The following FOXP1 variants were observed in gnomAD, a reference collection of about 807,000 sequenced individuals.
FOXP1 encodes forkhead box P1.
A neutral mutation model predicts 98.2 loss-of-function variants in FOXP1; 15 were observed. The ratio of observed to expected loss-of-function variants is 0.15; its 90% CI spans 0.10 to 0.24. FOXP1 has a LOEUF of 0.24. Among genes scored for constraint, FOXP1 ranks in the 10% least tolerant of loss-of-function variants. The probability of loss-of-function intolerance (pLI) is 1.00; values close to 1 mark genes in which losing one functional copy is unlikely to be tolerated. For missense variants in FOXP1, 633 were observed against 848.5 expected, an observed-to-expected ratio of 0.75 and a Z score of 3.15; for synonymous variants, 371 against 314.5, an observed-to-expected ratio of 1.18 and a Z score of -1.90.
chr3:71,198,572 C>T (rs2063457564), intron 5 of FOXP1, among the ~76,000 whole-genome samples, 180 bp from the exon 6 acceptor site: 1 of 152,310 alleles, frequency 6.6e-6, no homozygotes, highest in East Asian at 1.9e-4. Flanking sequence ...CCCCTAGTTT[C>T]GGGTCTGAAA....
At chr3:71,057,337 T>C (rs1466359904) in intron 7 of FOXP1, among the ~76,000 whole-genome samples, 1 of 138,612 alleles carries the variant, frequency 7.2e-6, no homozygotes, top group African/African-American at 2.7e-5. Flanking sequence ...TCAGATTTCA[T>C]GCCTTCTACC....
At chr3:71,013,644 A>T (rs1168019157) in intron 12 of FOXP1, among the ~76,000 whole-genome samples, 25 of 152,334 alleles carry the variant, frequency 1.6e-4, no homozygotes, top group Non-Finnish European at 1.5e-5. Context: ...AATTGGAAAG[A>T]ACTACTTTAA....
chr3:71,236,786 C>T (rs1003127918), intron 5 of FOXP1, among the ~76,000 whole-genome samples: 10 of 151,130 alleles, frequency 6.6e-5, no homozygotes, highest in African/African-American at 2.2e-4. Flanking sequence ...GGTGGGAGGA[C>T]AGTTTGAGCC....
chr3:71,023,397 A>G (rs1447778363), intron 11 of FOXP1, among the ~76,000 whole-genome samples: 1 of 152,194 alleles, frequency 6.6e-6, no homozygotes, highest in East Asian at 1.9e-4. Context: ...ATTACATTAA[A>G]TCAGACACCT....
chr3:71,090,123 G>A (rs1316854348), intron 7 of FOXP1, among the ~76,000 whole-genome samples: 1 of 152,148 alleles, frequency 6.6e-6, no homozygotes. Context: ...ACAGTATCTA[G>A]CCTGCGGGCC....
intron 4 of FOXP1, chr3:71,332,259 C>A: frequency 6.4e-6 from 1 of 156,448 alleles, no homozygotes; most frequent in Non-Finnish European, 1.4e-5. Flanking sequence ...ACTCCAGACG[C>A]GCCGCCTTAA....
At chr3:71,501,935 C>T (rs2107194763) in intron 2 of FOXP1, among the ~76,000 whole-genome samples, 1 of 152,256 alleles carries the variant, frequency 6.6e-6, no homozygotes, top group Non-Finnish European at 1.5e-5. Context: ...GTGAGATCAG[C>T]AAGGCAGGGT....
chr3:71,015,685 G>A, intron 11 of FOXP1, 32 bp from the exon 12 acceptor site: 1 of 1,472,898 alleles, frequency 6.8e-7, no homozygotes, highest in Non-Finnish European at 9.5e-7. Context: ...ACCAGAGAAT[G>A]AATTTGCTGC....
rs1215777844 is a variant in FOXP1 at position 71,502,769 on chromosome 3, C to A, written c.-297-9214G>T. Reference sequence around the variant, plus strand: ...GTGGGAACATTCTAGAAGAAGCCAGCCATAACAACAGCAGGGGTAGTCCTA... The same window carrying A: ...GTGGGAACATTCTAGAAGAAGCCAGACATAACAACAGCAGGGGTAGTCCTA... On this transcript the variant is annotated intron_variant, in intron 2 of 20. Transcript: ENST00000649528. 3.9e-5 allele frequency among the ~76,000 whole-genome samples: 6 copies of A among 152,216 alleles called. 1 individual carries two copies. Among genetic ancestry groups the A allele is most frequent in the African/African-American group, 1.4e-4 (6 of 41,522 alleles).
At chr3:71,283,101 G>C (rs2071735434) in intron 5 of FOXP1, among the ~76,000 whole-genome samples, 1 of 152,328 alleles carries the variant, frequency 6.6e-6, no homozygotes, top group South Asian at 2.1e-4. Context: ...CCTTCCACTG[G>C]TGCTGAGTGC....
At chr3:71,351,128 T>A (rs963464140) in intron 4 of FOXP1, among the ~76,000 whole-genome samples, 1 of 152,150 alleles carries the variant, frequency 6.6e-6, no homozygotes, top group Non-Finnish European at 1.5e-5. Context: ...TGAAAGGTTA[T>A]CCTGCCACAA....
intron 3 of FOXP1, among the ~76,000 whole-genome samples, chr3:71,377,734 C>G (rs1426288272): frequency 6.6e-6 from 1 of 152,150 alleles, no homozygotes; most frequent in African/African-American, 2.4e-5. Context: ...GAAAAAACAA[C>G]TTTGTTTTAA....
intron 5 of FOXP1, among the ~76,000 whole-genome samples, chr3:71,221,876 C>T (rs1358382961): frequency 6.6e-6 from 1 of 152,130 alleles, no homozygotes; most frequent in African/African-American, 2.4e-5. Context: ...GTCCTTCGTC[C>T]GGGTGCAGTG....
rs963299020 is a variant in FOXP1, at chr3:71,080,880, G to A, written c.283-27107C>T. 1.3e-5 allele frequency among the ~76,000 whole-genome samples: 2 copies of A among 152,222 alleles called. 1 individual carries two copies. The highest frequency in any genetic ancestry group is 4.1e-4 in the South Asian group (2 of 4,830). The stretch of plus-strand genomic sequence containing the variant: ...GAATTTCCTTCTTCTGGCTTAGCAA[G>A]CAGTAGTAGTTATGATTTGACTCAA... On this transcript the variant is annotated intron_variant, in intron 7 of 20. Coordinates refer to ENST00000649528, the MANE Select transcript of FOXP1 (RefSeq NM_001349338.3).
At chr3:71,045,487 G>C (rs952769282) in intron 10 of FOXP1, among the ~76,000 whole-genome samples, 1 of 152,068 alleles carries the variant, frequency 6.6e-6, no homozygotes. Flanking sequence ...TAAACCCAAA[G>C]GTGTAATTAA....
intron 5 of FOXP1, among the ~76,000 whole-genome samples, chr3:71,215,664 G>GA (rs11455932): frequency 0.45 from 68,344 of 151,882 alleles, 15,922 homozygotes; most frequent in Admixed American, 0.51. Context: ...TCAACTTAAA[G>GA]AAAAAAATGT....
At chr3:71,464,398 A>G (rs1299907999) in intron 3 of FOXP1, among the ~76,000 whole-genome samples, 1 of 152,074 alleles carries the variant, frequency 6.6e-6, no homozygotes, top group Non-Finnish European at 1.5e-5. Context: ...AAAGTCAGCG[A>G]CCTCCAAAGA....
intron 4 of FOXP1, among the ~76,000 whole-genome samples, chr3:71,318,227 C>A (rs1213667519): frequency 6.8e-6 from 1 of 148,000 alleles, no homozygotes; most frequent in Admixed American, 6.9e-5. Context: ...GTTTCAGGGA[C>A]AGAAGGAACA....
At chr3:71,390,139 G>T (rs1286408418) in intron 3 of FOXP1, among the ~76,000 whole-genome samples, 1 of 152,184 alleles carries the variant, frequency 6.6e-6, no homozygotes, top group African/African-American at 2.4e-5. Flanking sequence ...ACTGTAAACT[G>T]GTTCTCACTT....
Sources: gnomAD v4.1 joint callset for allele counts (sites outside exome capture counted in the v4.1 genomes callset) on GRCh38, gnomAD v4.1.1 for gene constraint, MANE v1.5 for transcripts, NCBI Gene and HGNC (gene_info 2026-07-23, HGNC 2026-07-21) for gene names.